The following SLC39A11 variants were observed in gnomAD, a reference collection of about 807,000 sequenced individuals.
SLC39A11 encodes zinc transporter ZIP11.
A neutral mutation model predicts 36.1 loss-of-function variants in SLC39A11; 33 were observed. That is an observed-to-expected ratio of 0.91 (90% confidence interval 0.69 to 1.22). The LOEUF (loss-of-function observed/expected upper bound fraction) is 1.22, where lower values mean the gene tolerates loss of function less well. Among genes scored for constraint, SLC39A11 ranks in the 50% most tolerant of loss-of-function variants. The probability of loss-of-function intolerance (pLI) is 0.00; values close to 1 mark genes in which losing one functional copy is unlikely to be tolerated. For synonymous variants in SLC39A11, 166 were observed against 170.3 expected, an observed-to-expected ratio of 0.97 and a Z score of 0.20; for missense variants, 432 against 430.3, an observed-to-expected ratio of 1.00 and a Z score of -0.03.
chr17:72,794,642 G>C (rs892736201), intron 6 of SLC39A11, among the ~76,000 whole-genome samples: 1 of 151,906 alleles, frequency 6.6e-6, no homozygotes, highest in Non-Finnish European at 1.5e-5. Flanking sequence ...CACCTTACTT[G>C]TGCAGGGCTT....
chr17:72,896,192 C>CTTT (rs771180987), intron 5 of SLC39A11, among the ~76,000 whole-genome samples: 1,399 of 74,620 alleles, frequency 0.019, 217 homozygotes, highest in African/African-American at 0.079. Context: ...CACATTAATC[C>CTTT]TTTTTTTTTT....
At chr17:72,921,491 A>G (rs932251428) in intron 5 of SLC39A11, among the ~76,000 whole-genome samples, 5 of 152,230 alleles carry the variant, frequency 3.3e-5, no homozygotes, top group African/African-American at 1.2e-4. Flanking sequence ...AAAGAAAAGC[A>G]AAGAATAATT....
At chr17:72,996,673 C>G (rs2089527200) in intron 4 of SLC39A11, among the ~76,000 whole-genome samples, 1 of 152,144 alleles carries the variant, frequency 6.6e-6, no homozygotes, top group Non-Finnish European at 1.5e-5. Context: ...ATTTATGGCC[C>G]ACCCTACTCT....
At chr17:72,687,054 G>A (rs574544289) in intron 7 of SLC39A11, among the ~76,000 whole-genome samples, 2 of 152,150 alleles carry the variant, frequency 1.3e-5, no homozygotes, top group African/African-American at 2.4e-5. Context: ...TTGAGACAGG[G>A]TCATGCTCTG....
chr17:72,850,651 G>A (rs1486656660), intron 5 of SLC39A11, among the ~76,000 whole-genome samples: 1 of 152,206 alleles, frequency 6.6e-6, no homozygotes, highest in Non-Finnish European at 1.5e-5. Context: ...CTGGCCAGCT[G>A]TGTAGTGCCA....
chr17:72,759,905 C>T (rs1373373286), intron 6 of SLC39A11, among the ~76,000 whole-genome samples: 1 of 152,206 alleles, frequency 6.6e-6, no homozygotes, highest in Non-Finnish European at 1.5e-5. Flanking sequence ...AATTAGTTAC[C>T]TGTGCGGGGC....
intron 5 of SLC39A11, among the ~76,000 whole-genome samples, chr17:72,888,918 A>G (rs1343584649): frequency 1.3e-5 from 2 of 152,120 alleles, no homozygotes; most frequent in Non-Finnish European, 2.9e-5. Context: ...AAAAAGAAAG[A>G]AAAGAAAAAA....
chr17:72,987,364 C>G (rs1472977696), intron 4 of SLC39A11, among the ~76,000 whole-genome samples: 12 of 152,182 alleles, frequency 7.9e-5, no homozygotes, highest in Non-Finnish European at 4.4e-5. Context: ...TCCACAAGGA[C>G]CTGAAGTTTG....
intron 7 of SLC39A11, among the ~76,000 whole-genome samples, chr17:72,735,209 G>A (rs912004820): frequency 6.6e-6 from 1 of 152,152 alleles, no homozygotes; most frequent in Non-Finnish European, 1.5e-5. Context: ...CATATTCGGG[G>A]CTTCATGGAG....
intron 6 of SLC39A11, among the ~76,000 whole-genome samples, chr17:72,737,102 C>A (rs1308851972): frequency 1.3e-5 from 2 of 151,954 alleles, no homozygotes; most frequent in African/African-American, 4.8e-5. Flanking sequence ...ATGGTGAAAT[C>A]CCATCTCTAC....
At chr17:72,846,018 C>CTCTTT (rs2079035587) in intron 6 of SLC39A11, among the ~76,000 whole-genome samples, 1 of 57,950 alleles carries the variant, frequency 1.7e-5, no homozygotes, top group Non-Finnish European at 2.8e-5. Context: ...CTCTCTCTCT[C>CTCTTT]TTTTTTTTTT....
intron 5 of SLC39A11, among the ~76,000 whole-genome samples, chr17:72,898,291 G>A (rs889231525): frequency 6.6e-6 from 1 of 152,190 alleles, no homozygotes; most frequent in African/African-American, 2.4e-5. Context: ...CAAGGGGCTG[G>A]AGCATCCGAG....
chr17:72,942,392 CA>C (rs1276247339), intron 5 of SLC39A11, among the ~76,000 whole-genome samples: 43 of 152,110 alleles, frequency 2.8e-4, no homozygotes, highest in African/African-American at 1.0e-3. Flanking sequence ...ATTATATCTA[CA>C]TGAACTGTTG....
At chr17:73,028,276 G>A (rs1160249445) in intron 4 of SLC39A11, among the ~76,000 whole-genome samples, 3 of 152,260 alleles carry the variant, frequency 2.0e-5, no homozygotes, top group East Asian at 1.9e-4. Context: ...GACTATAAAC[G>A]CGTGGGTGCT....
Position 72,662,650 on chromosome 17 carries a change from A to AAAAGG in SLC39A11, c.672-13383_672-13382insCCTTT, listed in dbSNP as rs1567918202. Among the ~76,000 whole-genome samples, 4 of 150,316 alleles carry AAAAGG rather than the reference A, an allele frequency of 2.7e-5. 1 individual carries two copies. The highest frequency in any genetic ancestry group is 9.8e-5 in the African/African-American group (4 of 40,988). ...AGAGAAGAAAGAGAGAAAGAAAAAG[A>AAAAGG]AAAAAGAAAAGAAAAAGGAAGGAAA... On this transcript the variant is annotated intron_variant, in intron 7 of 9. Transcript: ENST00000255559.
intron 5 of SLC39A11, among the ~76,000 whole-genome samples, chr17:72,945,669 G>GT (rs1309989015): frequency 2.0e-5 from 3 of 152,144 alleles, no homozygotes; most frequent in Admixed American, 6.5e-5. Context: ...TGGTAACCCG[G>GT]TAACAGGCTG....
At chr17:72,961,267 T>A (rs918848863) in intron 4 of SLC39A11, among the ~76,000 whole-genome samples, 1 of 152,138 alleles carries the variant, frequency 6.6e-6, no homozygotes, top group Non-Finnish European at 1.5e-5. Context: ...CGTGGAGAAA[T>A]AGGAACACTT....
intron 4 of SLC39A11, among the ~76,000 whole-genome samples, chr17:72,949,144 C>CTTTTTTATTTTTTTTTTT (rs2085663337): frequency 2.7e-5 from 1 of 36,474 alleles, no homozygotes; most frequent in African/African-American, 8.3e-5. Flanking sequence ...CACTGGGCAG[C>CTTTTTTATTTTTTTTTTT]TTTTTTTTTT....
chr17:73,030,507 T>A (rs1568154644), intron 4 of SLC39A11, among the ~76,000 whole-genome samples: 1 of 152,118 alleles, frequency 6.6e-6, no homozygotes, highest in East Asian at 1.9e-4. Context: ...CCTACCTACC[T>A]CCCGGGGTAC....
Sources: gnomAD v4.1 joint callset for allele counts (sites outside exome capture counted in the v4.1 genomes callset) on GRCh38, gnomAD v4.1.1 for gene constraint, MANE v1.5 for transcripts, NCBI Gene and HGNC (gene_info 2026-07-23, HGNC 2026-07-21) for gene names.